The following VCPKMT variants were observed in gnomAD, a reference collection of about 807,000 sequenced individuals.
VCPKMT encodes valosin containing protein lysine methyltransferase.
Under a neutral mutation model 28.6 loss-of-function variants are expected in VCPKMT, and 32 were observed. The ratio of observed to expected loss-of-function variants is 1.12; its 90% CI spans 0.84 to 1.50. The LOEUF is 1.50. Among genes scored for constraint, VCPKMT ranks in the 40% most tolerant of loss-of-function variants. VCPKMT has a pLI of 0.00. For missense variants in VCPKMT, 366 were observed against 285.0 expected, an observed-to-expected ratio of 1.28 and a Z score of -2.05; for synonymous variants, 138 against 111.4, an observed-to-expected ratio of 1.24 and a Z score of -1.50.
chr14:50,113,410 A>G (rs1882841611), intron 4 of VCPKMT: 1 of 152,218 alleles, frequency 6.6e-6, no homozygotes, highest in African/African-American at 2.4e-5. Context: ...AAACCAAAGT[A>G]GTCCTTCCAG....
chr14:50,106,201 G>C (rs566455144), downstream of VCPKMT, among the ~76,000 whole-genome samples: 1 of 152,328 alleles, frequency 6.6e-6, no homozygotes, highest in Admixed American at 6.5e-5. Context: ...GACTGGGATA[G>C]GGCCTGAACA....
At chr14:50,107,305 G>T (rs768309172), downstream of VCPKMT, among the ~76,000 whole-genome samples, 20 of 151,658 alleles carry the variant, frequency 1.3e-4, no homozygotes, top group Non-Finnish European at 2.4e-4. Context: ...GAACAAGAAA[G>T]ATATCCTATT....
intron 5 of VCPKMT, chr14:50,111,706 T>A: frequency 1.3e-6 from 1 of 765,352 alleles, no homozygotes; most frequent in Non-Finnish European, 1.6e-6. Context: ...GGCAAAACCC[T>A]GTCTCAACAA....
chr14:50,110,827 A>C (rs1458094933), intron 5 of VCPKMT, among the ~76,000 whole-genome samples: 1 of 152,254 alleles, frequency 6.6e-6, no homozygotes, highest in Non-Finnish European at 1.5e-5. Context: ...AGCCACAAAA[A>C]GGAGTTAAGT....
chr14:50,116,057 G>T lies in VCPKMT; in HGVS notation c.377+12C>A. ...ATCAATATCTTAAAACAAGCTGAAA[G>T]GCCATACAAACCATTTCAGTACCTT... On this transcript the variant is annotated intron_variant, in intron 2 of 5. Transcript: ENST00000395860. 1 of 1,600,992 alleles carries T rather than the reference G, an allele frequency of 6.2e-7. No individual in the cohort carries two copies.
chr14:50,106,138 A>C (rs1020504560), downstream of VCPKMT, among the ~76,000 whole-genome samples: 2 of 152,222 alleles, frequency 1.3e-5, no homozygotes, highest in African/African-American at 4.8e-5. Flanking sequence ...TAAGGCAAAC[A>C]TTAAGACCAT....
At chr14:50,106,628 G>A (rs1882330822), downstream of VCPKMT, 19 of 985,230 alleles carry the variant, frequency 1.9e-5, no homozygotes, top group Non-Finnish European at 2.3e-5. Flanking sequence ...GCTGCTGGTG[G>A]GTAAACACAA....
At chr14:50,111,244 C>T (rs1882636155) in intron 5 of VCPKMT, 3 of 983,942 alleles carry the variant, frequency 3.0e-6, no homozygotes, top group Non-Finnish European at 3.6e-6. Flanking sequence ...CCAAAAAATT[C>T]TACTTTTAAA....
downstream of VCPKMT, among the ~76,000 whole-genome samples, chr14:50,104,947 GAA>G (rs1279482331): frequency 6.6e-6 from 1 of 151,890 alleles, no homozygotes; most frequent in Non-Finnish European, 1.5e-5. Flanking sequence ...GAAAGAAACA[GAA>G]AGATAAACCA....
downstream of VCPKMT, among the ~76,000 whole-genome samples, chr14:50,107,726 GGGGA>G (rs1882381671): frequency 6.6e-6 from 1 of 152,200 alleles, no homozygotes. Context: ...GAACAGGAAG[GGGGA>G]GGAAGTCAAG....
At chr14:50,115,152 T>G (rs1354606740) in intron 3 of VCPKMT, among the ~76,000 whole-genome samples, 2 of 119,132 alleles carry the variant, frequency 1.7e-5, no homozygotes, top group Admixed American at 1.6e-4. Flanking sequence ...GATGTTTTTT[T>G]TTTTTTTTTT....
chr14:50,105,619 A>C (rs1389503199), downstream of VCPKMT, among the ~76,000 whole-genome samples: 1 of 152,168 alleles, frequency 6.6e-6, no homozygotes, highest in Non-Finnish European at 1.5e-5. Context: ...TGACAGAGTG[A>C]GAGTCCGTCT....
downstream of VCPKMT, among the ~76,000 whole-genome samples, chr14:50,108,227 A>C (rs1277783226): frequency 6.7e-6 from 1 of 149,760 alleles, no homozygotes; most frequent in Non-Finnish European, 1.5e-5. Flanking sequence ...GCAGGAGGGC[A>C]TAAAAACTGG....
intron 5 of VCPKMT, among the ~76,000 whole-genome samples, chr14:50,112,393 GAGAAAAAAAAAAAA>G (rs1415827298): frequency 3.5e-5 from 2 of 56,416 alleles, no homozygotes; most frequent in African/African-American, 1.3e-4. Flanking sequence ...TAAAAAATAC[GAGAAAAAAAAAAAA>G]AAAAAAAAAA....
downstream of VCPKMT, among the ~76,000 whole-genome samples, chr14:50,105,292 T>C (rs911484634): frequency 6.6e-6 from 1 of 152,188 alleles, no homozygotes; most frequent in African/African-American, 2.4e-5. Flanking sequence ...ATATGCTGTG[T>C]ATAAAAAAAT....
intron 5 of VCPKMT, chr14:50,111,485 A>C: frequency 1.0e-6 from 1 of 985,432 alleles, no homozygotes; most frequent in Non-Finnish European, 1.2e-6. Context: ...AGATGATAGA[A>C]AAAGTGTGGG....
intron 5 of VCPKMT, chr14:50,111,298 A>C: frequency 1.0e-6 from 1 of 985,228 alleles, no homozygotes; most frequent in Non-Finnish European, 1.2e-6. Flanking sequence ...TTAAAGCACA[A>C]AACAGTTTTT....
chr14:50,110,431 G>A (rs1882562610), intron 5 of VCPKMT, among the ~76,000 whole-genome samples: 1 of 152,118 alleles, frequency 6.6e-6, no homozygotes, highest in Admixed American at 6.5e-5. Context: ...ATCTGAAAAT[G>A]GGCCAAGCAT....
intron 4 of VCPKMT, chr14:50,113,257 TA>T (rs1882832207): frequency 6.6e-6 from 1 of 152,246 alleles, no homozygotes; most frequent in African/African-American, 2.4e-5. Flanking sequence ...TTTACCCCAA[TA>T]AAAGCTGTTT....
Sources: allele counts gnomAD v4.1 joint callset (sites outside exome capture counted in the v4.1 genomes callset), GRCh38; gene constraint gnomAD v4.1.1; transcripts MANE v1.5; gene names NCBI Gene and HGNC (gene_info 2026-07-23, HGNC 2026-07-21).